The following ABCB4 variants were observed in gnomAD, a reference collection of about 807,000 sequenced individuals.
ABCB4 encodes the protein phosphatidylcholine translocator ABCB4.
In ABCB4, 76 loss-of-function variants were observed where a neutral mutation model predicts 145.7. The ratio of observed to expected loss-of-function variants is 0.52; its 90% CI spans 0.43 to 0.63. The LOEUF (loss-of-function observed/expected upper bound fraction) is 0.63. Ranked by LOEUF, ABCB4 falls within the 30% of genes least tolerant of loss-of-function variation. The pLI is 0.00. For missense variants in ABCB4, 1,234 were observed against 1,553.1 expected, an observed-to-expected ratio of 0.79 and a Z score of 3.45; for synonymous variants, 517 against 566.8, an observed-to-expected ratio of 0.91 and a Z score of 1.25.
At chr7:87,393,969 A>C in the ABCB4 span, among the ~76,000 whole-genome samples, 1 of 152,176 alleles carries the variant, frequency 6.6e-6, no homozygotes, top group Non-Finnish European at 1.5e-5. Context: ...GAATGCATAA[A>C]ATATATACAG....
chr7:87,408,278 T>C (rs759397269), intron 24 of ABCB4, 44 bp from the exon 25 acceptor site: 1 of 1,561,154 alleles, frequency 6.4e-7, no homozygotes, highest in Non-Finnish European at 8.8e-7. Context: ...GGCCTGATAA[T>C]TATTGGAATA....
chr7:87,413,072 TAA>T (rs1026924200), intron 22 of ABCB4, among the ~76,000 whole-genome samples: 3 of 152,260 alleles, frequency 2.0e-5, no homozygotes, highest in African/African-American at 7.2e-5. Context: ...TACTCATTTA[TAA>T]AATCAGGCTG....
At chr7:87,403,609 T>G (rs1364441491) in intron 26 of ABCB4, among the ~76,000 whole-genome samples, 3 of 152,268 alleles carry the variant, frequency 2.0e-5, no homozygotes, top group African/African-American at 7.2e-5. Flanking sequence ...TGTGCTATAC[T>G]CTTATACAAC....
the ABCB4 span, among the ~76,000 whole-genome samples, chr7:87,395,832 G>T: frequency 4.0e-4 from 61 of 152,170 alleles, no homozygotes; most frequent in Non-Finnish European, 7.2e-4. Context: ...TAGATCGGGG[G>T]TTATAAGGAC....
chr7:87,454,340 T>C (rs1001035661), intron 5 of ABCB4, among the ~76,000 whole-genome samples, 195 bp downstream of exon 5: 2 of 152,204 alleles, frequency 1.3e-5, no homozygotes, highest in African/African-American at 4.8e-5. Flanking sequence ...AAAATATCCT[T>C]ATTCTTAGGA....
intron 14 of ABCB4, among the ~76,000 whole-genome samples, chr7:87,434,504 CT>C (rs1810477823): frequency 6.6e-6 from 1 of 152,104 alleles, no homozygotes; most frequent in Non-Finnish European, 1.5e-5. Flanking sequence ...AATCCCAGAA[CT>C]TTGGGAGGCC....
At chr7:87,395,572 T>C in the ABCB4 span, among the ~76,000 whole-genome samples, 1 of 152,256 alleles carries the variant, frequency 6.6e-6, no homozygotes, top group Non-Finnish European at 1.5e-5. Context: ...TCTGTAAAGC[T>C]GTTAACTTTG....
At chr7:87,375,574 C>T in the ABCB4 span, 43 of 1,309,526 alleles carry the variant, frequency 3.3e-5, no homozygotes, top group Non-Finnish European at 4.5e-5. Context: ...CTTTTAAAGG[C>T]CAAAGTAGTT....
At chr7:87,397,626 T>C (rs1398340301), downstream of ABCB4, among the ~76,000 whole-genome samples, 2 of 152,220 alleles carry the variant, frequency 1.3e-5, no homozygotes, top group Non-Finnish European at 2.9e-5. Context: ...GAATGATTCG[T>C]GATCATGAAT....
chr7:87,409,932 C>T (rs1429478757), intron 23 of ABCB4, among the ~76,000 whole-genome samples: 1 of 152,038 alleles, frequency 6.6e-6, no homozygotes, highest in Admixed American at 6.5e-5. Context: ...CTAGAAATAG[C>T]TTTTTATTTA....
intron 3 of ABCB4, among the ~76,000 whole-genome samples, chr7:87,471,554 A>G (rs1397657249): frequency 1.1e-4 from 16 of 152,200 alleles, no homozygotes; most frequent in Non-Finnish European, 1.5e-5. Context: ...CATGAGAAGT[A>G]TGCAGCAGTG....
chr7:87,423,521 G>A (rs1584707787), intron 17 of ABCB4: 1 of 317,954 alleles, frequency 3.1e-6, no homozygotes, highest in East Asian at 8.1e-5. Flanking sequence ...TATACCCAGT[G>A]CCTGGACTCT....
intron 3 of ABCB4, among the ~76,000 whole-genome samples, chr7:87,466,367 C>T (rs986395691): frequency 1.3e-5 from 2 of 152,158 alleles, no homozygotes; most frequent in South Asian, 4.2e-4. Flanking sequence ...TAAAAAGAAA[C>T]AAGCAAAGCC....
intron 22 of ABCB4, 101 bp from the exon 23 acceptor site, chr7:87,412,134 G>T (rs1451840824): frequency 1.6e-6 from 2 of 1,240,948 alleles, no homozygotes; most frequent in Non-Finnish European, 2.4e-6. Context: ...GTGGGTTTAA[G>T]TTCCACCTCC....
chr7:87,434,826 G>T (rs1810506301), intron 14 of ABCB4, among the ~76,000 whole-genome samples: 1 of 152,178 alleles, frequency 6.6e-6, no homozygotes, highest in South Asian at 2.1e-4. Context: ...TATTTATTTA[G>T]CCTCTACTAT....
chr7:87,469,150 A>G (rs1403103020), intron 3 of ABCB4, among the ~76,000 whole-genome samples: 1 of 152,182 alleles, frequency 6.6e-6, no homozygotes, highest in Non-Finnish European at 1.5e-5. Context: ...AGATGCAGAA[A>G]AGGCCTTTGA....
chr7:87,454,418 A>G (rs1811973896), intron 5 of ABCB4, 117 bp downstream of exon 5: 1 of 840,086 alleles, frequency 1.2e-6, no homozygotes, highest in South Asian at 1.7e-5. Flanking sequence ...AGCAAAAATG[A>G]TAATAATAGG....
chr7:87,431,729 AATTAAAGTCAGACGAGTTTGGG>A (rs1310242318), intron 14 of ABCB4, among the ~76,000 whole-genome samples, 164 bp from the exon 15 acceptor site: 2 of 152,188 alleles, frequency 1.3e-5, no homozygotes, highest in Non-Finnish European at 2.9e-5. Context: ...CTTTATGAAA[AATTAAAGTCAGACGAGTTTGGG>A]ACCAGACAAG....
At chr7:87,384,524 ACTGT>A in the ABCB4 span, among the ~76,000 whole-genome samples, 4 of 152,136 alleles carry the variant, frequency 2.6e-5, no homozygotes, top group Non-Finnish European at 5.9e-5. Flanking sequence ...AGAGCAAGAC[ACTGT>A]CTAACAACAA....
Sources: allele counts gnomAD v4.1 joint callset (sites outside exome capture counted in the v4.1 genomes callset), GRCh38; gene constraint gnomAD v4.1.1; transcripts MANE v1.5; gene names NCBI Gene and HGNC (gene_info 2026-07-23, HGNC 2026-07-21).